The following ZDHHC20 variants were observed in gnomAD, a reference collection of about 807,000 sequenced individuals.
ZDHHC20 encodes palmitoyltransferase ZDHHC20.
A neutral mutation model predicts 57.8 loss-of-function variants in ZDHHC20; 43 were observed. The ratio of observed to expected loss-of-function variants is 0.74; its 90% confidence interval spans 0.58 to 0.96. The LOEUF (loss-of-function observed/expected upper bound fraction) is 0.96. Among genes scored for constraint, ZDHHC20 ranks in the 40% least tolerant of loss-of-function variants. The pLI, the probability that ZDHHC20 is intolerant of heterozygous loss-of-function variation, is 0.00. For synonymous variants in ZDHHC20, 157 were observed against 153.0 expected (o/e 1.03, Z -0.19); for missense variants, 391 against 441.1 (o/e 0.89, Z 1.02).
chr13:21,403,750 C>T (rs1231562257), intron 4 of ZDHHC20, among the ~76,000 whole-genome samples: 2 of 152,150 alleles, frequency 1.3e-5, no homozygotes, highest in African/African-American at 2.4e-5. Flanking sequence ...TGCAGTTGCA[C>T]GATCTCGGCT....
intron 1 of ZDHHC20, among the ~76,000 whole-genome samples, chr13:21,443,218 C>G (rs1566112422): frequency 6.6e-6 from 1 of 152,086 alleles, no homozygotes; most frequent in Non-Finnish European, 1.5e-5. Context: ...ACCTTCTCCC[C>G]TAGGAGTGGT....
At chr13:21,383,582 T>C (rs529155377) in intron 9 of ZDHHC20, among the ~76,000 whole-genome samples, 1 of 152,360 alleles carries the variant, frequency 6.6e-6, no homozygotes, top group African/African-American at 2.4e-5. Flanking sequence ...CAATGTCTTC[T>C]GTGCCTATTA....
chr13:21,436,184 A>C (rs141878159), intron 1 of ZDHHC20, among the ~76,000 whole-genome samples: 1 of 152,252 alleles, frequency 6.6e-6, no homozygotes, highest in Non-Finnish European at 1.5e-5. Flanking sequence ...ACAAAGAAAA[A>C]CTGTACCTTT....
At chr13:21,381,107 A>G (rs1484359179) in intron 11 of ZDHHC20, among the ~76,000 whole-genome samples, 2 of 151,828 alleles carry the variant, frequency 1.3e-5, no homozygotes, top group East Asian at 3.9e-4. Flanking sequence ...CCCGGGTTCA[A>G]GCCATTCTCT....
chr13:21,412,981 A>C (rs894558850), intron 4 of ZDHHC20, among the ~76,000 whole-genome samples: 6 of 151,610 alleles, frequency 4.0e-5, no homozygotes, highest in Non-Finnish European at 5.9e-5. Context: ...AAAAAAAAAA[A>C]AAAAAAAAAA....
rs892259291 is a variant in ZDHHC20 at position 21,372,808 on chromosome 13, C to T, written c.*3888G>A. On this transcript the variant is annotated 3_prime_UTR_variant, in exon 13 of 13. Coordinates refer to ENST00000400590, the MANE Select transcript of ZDHHC20 (RefSeq NM_001330059.2). ...TACTTCAAATTTGTTTATATAAAAG[C>T]ATATTAAAGCTCACTTTAAAATAGT... 62 of 152,248 alleles carry T rather than the reference C, an allele frequency of 4.1e-4. No individual in the cohort carries two copies. The highest frequency in any genetic ancestry group is 1.5e-3 in the African/African-American group (61 of 41,562). 9.4% of individuals were successfully genotyped at this position (152,248 alleles called of 1,614,324 possible). A position where few individuals can be genotyped will look rare whatever the true frequency, so the allele number is the denominator to read the frequency against.
intron 9 of ZDHHC20, among the ~76,000 whole-genome samples, chr13:21,385,975 AAAC>A (rs892186661): frequency 1.3e-5 from 2 of 152,202 alleles, no homozygotes; most frequent in African/African-American, 2.4e-5. Flanking sequence ...GGAAAACAAA[AAAC>A]AACAACAAAA....
intron 4 of ZDHHC20, among the ~76,000 whole-genome samples, chr13:21,408,172 T>C (rs1333579397): frequency 6.6e-6 from 1 of 152,218 alleles, no homozygotes. Context: ...CAATGGTAGC[T>C]TGATGGGAAT....
At chr13:21,411,417 G>A (rs945957675) in intron 4 of ZDHHC20, among the ~76,000 whole-genome samples, 3 of 152,152 alleles carry the variant, frequency 2.0e-5, no homozygotes, top group African/African-American at 7.2e-5. Context: ...AGAAAAAGTA[G>A]AGCTATAAAG....
intron 8 of ZDHHC20, among the ~76,000 whole-genome samples, chr13:21,389,107 C>T (rs975273750): frequency 1.5e-4 from 23 of 152,190 alleles, no homozygotes; most frequent in African/African-American, 5.1e-4. Flanking sequence ...ATCAAAGGGA[C>T]TAGCTTGCTT....
intron 11 of ZDHHC20, among the ~76,000 whole-genome samples, chr13:21,380,659 G>A (rs1838451317): frequency 6.6e-6 from 1 of 151,534 alleles, no homozygotes; most frequent in Non-Finnish European, 1.5e-5. Flanking sequence ...GGGCATGGTG[G>A]CAACCACCTG....
chr13:21,426,252 G>A (rs977632914), intron 1 of ZDHHC20, among the ~76,000 whole-genome samples: 2 of 152,058 alleles, frequency 1.3e-5, no homozygotes, highest in Non-Finnish European at 2.9e-5. Flanking sequence ...GATGAATAAA[G>A]CCAACAACCA....
At position 21,387,568 on chromosome 13, in the gene ZDHHC20, T is replaced by C. The variant is rs1956462855; in HGVS notation, c.794A>G (p.Lys265Arg). Residue 265 changes from lysine (K) to arginine (R), a missense_variant, in exon 9 of 13, where the codon AAA becomes AGA. By Grantham distance (26) the Lys-to-Arg change is conservative. This residue lies in a region of ZDHHC20 where 197 missense variants were observed against 220.8 expected (regional missense o/e 0.89). Transcript: ENST00000400590. ...ATCACCAAAGACTTGTCTCCAATTT[T>C]TACTGCATCCAAGAGAGAAACCATT... ...DGNGFSLGCSKNWRQVFGDEK... is the reference protein window; with the variant it reads ...DGNGFSLGCSRNWRQVFGDEK... 2 of 1,528,070 alleles carry C rather than the reference T, an allele frequency of 1.3e-6. No homozygotes were observed. Among genetic ancestry groups the C allele is most frequent in the Non-Finnish European group, 1.8e-6 (2 of 1,134,748 alleles). 94.7% of individuals were successfully genotyped at this position (1,528,070 alleles called of 1,614,324 possible). A position where few individuals can be genotyped will look rare whatever the true frequency, so the allele number is the denominator to read the frequency against.
At chr13:21,424,375 A>C (rs529878194) in intron 2 of ZDHHC20, among the ~76,000 whole-genome samples, 6 of 152,184 alleles carry the variant, frequency 3.9e-5, no homozygotes, top group African/African-American at 1.4e-4. Context: ...CCGTAACTGA[A>C]TTTAAAAACA....
At chr13:21,395,069 CTTTT>C (rs11335890) in intron 7 of ZDHHC20, among the ~76,000 whole-genome samples, 52 of 144,646 alleles carry the variant, frequency 3.6e-4, no homozygotes, top group Non-Finnish European at 5.3e-4. Context: ...TAAATTCTTT[CTTTT>C]TTTTTTTTTT....
intron 1 of ZDHHC20, among the ~76,000 whole-genome samples, chr13:21,449,534 C>T (rs998587140): frequency 6.6e-6 from 1 of 152,172 alleles, no homozygotes; most frequent in Non-Finnish European, 1.5e-5. Flanking sequence ...CCAGAACTCA[C>T]ATATCTACCA....
At chr13:21,396,733 G>A (rs566161071) in intron 7 of ZDHHC20, among the ~76,000 whole-genome samples, 97 of 151,886 alleles carry the variant, frequency 6.4e-4, no homozygotes, top group Middle Eastern at 3.4e-3. Context: ...CTCAGGAGGC[G>A]AAGGCAGGAA....
intron 10 of ZDHHC20, among the ~76,000 whole-genome samples, 156 bp downstream of exon 10, chr13:21,382,761 CTTT>C (rs778343816): frequency 3.3e-5 from 5 of 152,128 alleles, no homozygotes; most frequent in Non-Finnish European, 7.4e-5. Flanking sequence ...AGCACATATA[CTTT>C]TATTAAACCT....
intron 2 of ZDHHC20, 89 bp from the exon 3 acceptor site, chr13:21,421,253 G>A (rs991863411): frequency 1.6e-5 from 15 of 929,168 alleles, no homozygotes; most frequent in Admixed American, 4.9e-5. Flanking sequence ...GGGTCAGGAG[G>A]CCGAATCCAA....
Sources: gnomAD v4.1 joint callset for allele counts (sites outside exome capture counted in the v4.1 genomes callset) on GRCh38, gnomAD v4.1.1 for gene constraint, gnomAD v4.1.1 regional missense constraint, MANE v1.5 for transcripts, NCBI Gene and HGNC (gene_info 2026-07-23, HGNC 2026-07-21) for gene names.